The following SEC14L1 variants were observed in gnomAD, a reference collection of about 807,000 sequenced individuals.
The protein encoded by SEC14L1 is SEC14-like protein 1.
In SEC14L1, 48 loss-of-function variants were observed where a neutral mutation model predicts 85.3. The observed-to-expected ratio is 0.56, with a 90% CI of 0.45 to 0.72. The LOEUF (loss-of-function observed/expected upper bound fraction) is 0.72, where lower values mean the gene tolerates loss of function less well. SEC14L1 is among the 30% of genes least tolerant of loss of function. The probability of loss-of-function intolerance (pLI) is 0.00; values close to 1 mark genes in which losing one functional copy is unlikely to be tolerated. For missense variants in SEC14L1, 682 were observed against 921.4 expected (o/e 0.74, Z 3.36); for synonymous variants, 391 against 355.5 (o/e 1.10, Z -1.12).
In SEC14L1 at chr17:77,206,876, C is replaced by A. The variant is rs369869142; in HGVS notation, c.1476+14C>A. 3 of 1,534,504 alleles carry A rather than the reference C, an allele frequency of 2.0e-6. No homozygotes were observed. Among genetic ancestry groups the A allele is most frequent in the African/African-American group, 2.8e-5 (2 of 72,154 alleles). On this transcript the variant is annotated intron_variant, in intron 13 of 16. Coordinates refer to ENST00000436233, the MANE Select transcript of SEC14L1 (RefSeq NM_001143998.2). This position sits in a 1 kb window ranked among gnomAD's most constrained non-coding sequence, Gnocchi z 4.3. ...GGGGAGTGCATGGTATGTCCTGAGG[C>A]GAGGAACTGCACATTTGGCCCCTTA...
chr17:77,200,789 C>A, intron 9 of SEC14L1, 116 bp downstream of exon 9: 2 of 960,786 alleles, frequency 2.1e-6, no homozygotes, highest in Non-Finnish European at 3.1e-6. Context: ...CATCGTTTCT[C>A]CTCACTCTGA....
rs560108344 is a variant in SEC14L1 at position 77,182,973 on chromosome 17, C to T, written c.64-7830C>T. Among the ~76,000 whole-genome samples, 11 of 152,372 alleles carry T rather than the reference C, an allele frequency of 7.2e-5. No homozygotes were observed. In the East Asian group the frequency reaches 1.7e-3, roughly 24 times the overall value. Reference sequence around the variant, plus strand: ...GTGCTGAGGCCCCAGGAGAAGGCCCCGTCCCGCTGTGCTGCGCACCAGGCC... The same window carrying T: ...GTGCTGAGGCCCCAGGAGAAGGCCCTGTCCCGCTGTGCTGCGCACCAGGCC... On this transcript the variant is annotated intron_variant, in intron 3 of 16. Coordinates refer to ENST00000436233, the MANE Select transcript of SEC14L1 (RefSeq NM_001143998.2).
At chr17:77,102,825 A>G (rs1320158346) in intron 3 of SEC14L1, among the ~76,000 whole-genome samples, 5 of 152,144 alleles carry the variant, frequency 3.3e-5, no homozygotes, top group African/African-American at 1.2e-4. Flanking sequence ...TTTTAAAGAC[A>G]GAGTCTTACT....
chr17:77,112,566 G>A (rs1972070771), intron 3 of SEC14L1, among the ~76,000 whole-genome samples: 1 of 152,140 alleles, frequency 6.6e-6, no homozygotes, highest in Non-Finnish European at 1.5e-5. Context: ...TTCCTGAACA[G>A]TTAACAGTTA....
At chr17:77,172,837 TTTAA>T (rs1174228686) in intron 3 of SEC14L1, among the ~76,000 whole-genome samples, 1 of 152,334 alleles carries the variant, frequency 6.6e-6, no homozygotes, top group African/African-American at 2.4e-5. Flanking sequence ...TTTGAGTTCC[TTTAA>T]TTATCAGTTC....
In SEC14L1 at chr17:77,194,814, G is replaced by T; in HGVS notation, c.612G>T (p.Met204Ile). The stretch of plus-strand genomic sequence containing the variant: ...CCTCCAAGAAACAAGCAGCGTCCAT[G>T]GCCGTCGTCATCCCAGAAGCTGCCC... ...SSSSKKQAASMAVVIPEAALK... is the reference protein window; with the variant it reads ...SSSSKKQAASIAVVIPEAALK... Residue 204 changes from methionine (M) to isoleucine (I), a missense_variant, in exon 7 of 17, where the codon ATG (methionine) becomes ATT (isoleucine). By Grantham distance (10) the Met-to-Ile change is conservative (BLOSUM62 1). Around this residue, in one of 3 missense-constraint regions of SEC14L1, gnomAD observed 123 missense variants for 100.6 expected, o/e 1.22. Coordinates refer to ENST00000436233, the MANE Select transcript of SEC14L1 (RefSeq NM_001143998.2). The T allele has an allele frequency of 6.2e-7, 1 of 1,614,208 alleles. No homozygotes were observed. Among genetic ancestry groups the T allele is most frequent in the Non-Finnish European group, 8.5e-7 (1 of 1,180,042 alleles).
chr17:77,132,030 TG>T (rs1972628110), intron 3 of SEC14L1, among the ~76,000 whole-genome samples: 1 of 152,166 alleles, frequency 6.6e-6, no homozygotes, highest in Non-Finnish European at 1.5e-5. Flanking sequence ...TCAAGGCCAC[TG>T]GATTATTGCC....
chr17:77,176,005 G>A (rs1410175645), intron 3 of SEC14L1, among the ~76,000 whole-genome samples: 1 of 152,122 alleles, frequency 6.6e-6, no homozygotes, highest in Non-Finnish European at 1.5e-5. Context: ...AAACCAATTA[G>A]GAGACTGGAC....
intron 3 of SEC14L1, among the ~76,000 whole-genome samples, chr17:77,165,031 T>A (rs1807791388): frequency 6.6e-6 from 1 of 152,220 alleles, no homozygotes; most frequent in South Asian, 2.1e-4. Flanking sequence ...GGGCTACCTG[T>A]AACCGGAAAC....
chr17:77,112,599 T>C (rs1972071328), intron 3 of SEC14L1, among the ~76,000 whole-genome samples: 1 of 152,132 alleles, frequency 6.6e-6, no homozygotes, highest in African/African-American at 2.4e-5. Context: ...GAAAAGTATT[T>C]AGGCGGCCAG....
intron 3 of SEC14L1, among the ~76,000 whole-genome samples, chr17:77,113,853 A>T (rs1175359190): frequency 6.6e-6 from 1 of 152,196 alleles, no homozygotes; most frequent in Non-Finnish European, 1.5e-5. Context: ...GTCTGTGGCA[A>T]AAACCATTTA....
In SEC14L1 at chr17:77,143,553, T is replaced by C. The variant is rs758271913; in HGVS notation, c.-30-14T>C. 7.9e-6 allele frequency: 12 copies of C among 1,514,026 alleles called. No homozygotes were observed. Among genetic ancestry groups the C allele is most frequent in the Non-Finnish European group, 1.0e-5 (11 of 1,090,666 alleles). The allele number at this position is 1,514,026 out of a possible 1,614,324, so 93.8% of individuals were successfully genotyped here. On this transcript the variant is annotated splice_polypyrimidine_tract_variant and intron_variant, in intron 2 of 16. Transcript: ENST00000436233. Reference sequence around the variant, plus strand: ...GCATTGTGGTTACTTATCACATATATTTATGTTTTGCAGGTGTGAGAGGGT... The same window carrying C: ...GCATTGTGGTTACTTATCACATATACTTATGTTTTGCAGGTGTGAGAGGGT...
chr17:77,160,010 G>C (rs1470517669), intron 3 of SEC14L1, among the ~76,000 whole-genome samples: 1 of 152,174 alleles, frequency 6.6e-6, no homozygotes, highest in Non-Finnish European at 1.5e-5. Flanking sequence ...TTGTTCTTCA[G>C]AGTGTGATTT....
upstream of SEC14L1, among the ~76,000 whole-genome samples, chr17:77,136,973 G>C (rs1157225936): frequency 6.6e-6 from 1 of 150,838 alleles, no homozygotes; most frequent in South Asian, 2.1e-4. Flanking sequence ...GCAATGGTGC[G>C]GTCTCGGCTC....
chr17:77,098,956 T>C lies in SEC14L1; in HGVS notation c.-136+5609T>C, dbSNP rs561660638. On this transcript the variant is annotated intron_variant, in intron 3 of 19. Transcript: ENST00000392476. ...ATTCTCATAGAAGCCTGTTTGGGTT[T>C]GATGTGGTTACATGTGATTAATGTA... 2.6e-5 allele frequency: 4 copies of C among 152,370 alleles called. No individual in the cohort carries two copies. The South Asian group carries it at 8.3e-4, about 32-fold the overall frequency. The allele number at this position is 152,370 out of a possible 1,614,324, so 9.4% of individuals were successfully genotyped here.
intron 3 of SEC14L1, among the ~76,000 whole-genome samples, chr17:77,135,494 C>T (rs984951785): frequency 6.6e-6 from 1 of 151,896 alleles, no homozygotes; most frequent in Non-Finnish European, 1.5e-5. Context: ...CTCTCTTTGT[C>T]TTTCTCTCTT....
chr17:77,136,858 GA>G (rs1159586693), upstream of SEC14L1, among the ~76,000 whole-genome samples: 5 of 150,570 alleles, frequency 3.3e-5, no homozygotes, highest in East Asian at 1.9e-4. Flanking sequence ...AATTTATAAA[GA>G]AAAAAAGTTT....
intron 8 of SEC14L1, among the ~76,000 whole-genome samples, chr17:77,198,105 C>A (rs1442183075): frequency 6.6e-6 from 1 of 152,098 alleles, no homozygotes; most frequent in Non-Finnish European, 1.5e-5. Flanking sequence ...CACTAAAATG[C>A]CTTTTAATAA....
chr17:77,208,856 A>C (rs1318719583), intron 13 of SEC14L1, among the ~76,000 whole-genome samples: 6 of 152,222 alleles, frequency 3.9e-5, no homozygotes, highest in Non-Finnish European at 8.8e-5. Context: ...ATTCAAAAGA[A>C]GTTCTTCATT....
Sources: allele counts gnomAD v4.1 joint callset (sites outside exome capture counted in the v4.1 genomes callset), GRCh38; gene constraint gnomAD v4.1.1; regional missense constraint gnomAD v4.1.1; non-coding constraint Gnocchi (gnomAD v3.1); transcripts MANE v1.5; gene names NCBI Gene and HGNC (gene_info 2026-07-23, HGNC 2026-07-21).